The following NCKAP5L variants were observed in gnomAD, a reference collection of about 807,000 sequenced individuals.
NCKAP5L encodes nck-associated protein 5-like.
Under a neutral mutation model 103.2 loss-of-function variants are expected in NCKAP5L, and 54 were observed. That is an observed-to-expected ratio of 0.52 (90% CI 0.42 to 0.66). NCKAP5L has a LOEUF of 0.66. Among genes scored for constraint, NCKAP5L ranks in the 30% least tolerant of loss-of-function variants. The pLI is 0.00. For missense variants in NCKAP5L, 1,733 were observed against 1,750.6 expected (o/e 0.99, Z 0.18); for synonymous variants, 762 against 748.6 (o/e 1.02, Z -0.29).
Position 49,795,971 on chromosome 12 carries a change from G to C in NCKAP5L, c.1889C>G (p.Ser630Cys), listed in dbSNP as rs1946033117. The C allele has an allele frequency of 1.3e-6, 2 of 1,535,608 alleles. No individual in the cohort carries two copies. The highest frequency in any genetic ancestry group is 1.7e-6 in the Non-Finnish European group (2 of 1,147,906). ...TGGGGTCCTGCGGCCGGGATGGGGA[G>C]ACTCCGAGCCTGCCTTGTCCAAACT... ...EKSLDKAGSESPHPGRRTPGN... is the reference protein window; with the variant it reads ...EKSLDKAGSECPHPGRRTPGN... Residue 630 changes from serine to cysteine, a missense_variant, in exon 8 of 13, where the codon TCT becomes TGT. By Grantham distance (112) the Ser-to-Cys change is moderately radical. Coordinates refer to ENST00000335999, the MANE Select transcript of NCKAP5L (RefSeq NM_001037806.4).
rs750475923 is a variant in NCKAP5L at position 49,795,289 on chromosome 12, C to A, written c.2571G>T (p.Thr857=). The change falls in exon 8 of 13, where the codon ACG becomes ACT. Residue 857 remains threonine, a synonymous_variant. Transcript: ENST00000335999. Reference sequence around the variant, plus strand: ...CAGGTACTAGGGGTGTGGACTGGGCCGTGGTACTACCACAGTCTGCCCAGG... The same window carrying A: ...CAGGTACTAGGGGTGTGGACTGGGCAGTGGTACTACCACAGTCTGCCCAGG... The part of the protein sequence containing the change: ...GPPWADCGST[T]AQSTPLVPGP... The A allele has an allele frequency of 1.3e-6, 2 of 1,530,068 alleles. No individual in the cohort carries two copies. Among genetic ancestry groups the A allele is most frequent in the South Asian group, 1.3e-5 (1 of 76,768 alleles). 94.8% of individuals were successfully genotyped at this position (1,530,068 alleles called of 1,614,324 possible).
At chr12:49,808,657 C>G (rs930380731) in intron 1 of NCKAP5L, among the ~76,000 whole-genome samples, 2 of 152,208 alleles carry the variant, frequency 1.3e-5, no homozygotes, top group Non-Finnish European at 2.9e-5. Flanking sequence ...ATGGGGGATG[C>G]CTGCCCAGGC....
chr12:49,801,882 T>C lies in NCKAP5L; in HGVS notation c.317A>G (p.Gln106Arg). ...QNQMLSALFQ[Q>R]KLQLTTGSLP... ...CGAGCCTGTCGTGAGCTGGAGTTTC[T>C]GCTGAAACAGGGCACTCAGCATCTG... The change falls in exon 6 of 13, where the codon CAG (glutamine) becomes CGG (arginine). Residue 106 changes from glutamine to arginine, a missense_variant. By Grantham distance (43) the Gln-to-Arg change is conservative. Transcript: ENST00000335999. 1 of 1,614,032 alleles carries C rather than the reference T, an allele frequency of 6.2e-7. No individual in the cohort carries two copies. The highest frequency in any genetic ancestry group is 8.5e-7 in the Non-Finnish European group (1 of 1,179,894).
chr12:49,814,053 C>T (rs1946270275), intron 1 of NCKAP5L, among the ~76,000 whole-genome samples: 1 of 151,998 alleles, frequency 6.6e-6, no homozygotes, highest in Non-Finnish European at 1.5e-5. Flanking sequence ...TAGTAATCCT[C>T]CTGCCTTGGC....
Position 49,803,908 on chromosome 12 carries a change from G to A in NCKAP5L, c.123+14C>T, listed in dbSNP as rs756682839. The A allele has an allele frequency of 3.5e-5, 56 of 1,602,980 alleles. 1 individual carries two copies. In the South Asian group the frequency reaches 4.9e-4, roughly 14 times the overall value. ...TGGCTGGCACTGCTGCCCCTACCAC[G>A]CCCCATGCCGCACCTCCAGCTCCCG... On this transcript the variant is annotated intron_variant, in intron 3 of 12. Transcript: ENST00000335999.
Position 49,795,406 on chromosome 12 carries a change from G to C in NCKAP5L, c.2454C>G (p.Leu818=). ...NKSPHSSPTK[L]PSKSPTKVVP... The stretch of plus-strand genomic sequence containing the variant: ...CCACCTTGGTTGGTGACTTGGAAGG[G>C]AGCTTGGTGGGGCTGCTGTGAGGGC... Residue 818 remains leucine (L), a synonymous_variant, in exon 8 of 13, where the codon CTC becomes CTG. Transcript: ENST00000335999. The C allele has an allele frequency of 1.3e-6, 2 of 1,581,886 alleles. No individual in the cohort carries two copies. The highest frequency in any genetic ancestry group is 1.7e-6 in the Non-Finnish European group (2 of 1,167,368).
intron 1 of NCKAP5L, among the ~76,000 whole-genome samples, chr12:49,807,175 C>T (rs1290567061): frequency 1.3e-5 from 2 of 152,312 alleles, no homozygotes; most frequent in Admixed American, 1.3e-4. Context: ...CTCTTCTCTT[C>T]TATACCCCAG....
chr12:49,802,842 G>A, intron 5 of NCKAP5L, 116 bp downstream of exon 5: 4 of 1,274,704 alleles, frequency 3.1e-6, no homozygotes, highest in East Asian at 2.5e-5. Context: ...CGCCCAAGGC[G>A]GAAAGACGGG....
rs148925484 is a variant in NCKAP5L, at chr12:49,797,137, C to T, written c.723G>A (p.Ala241=). The T allele has an allele frequency of 1.5e-3, 2,468 of 1,604,890 alleles. 29 individuals carry two copies. The East Asian group carries it at 0.024, about 16-fold the overall frequency. The change falls in exon 8 of 13, where the codon GCG becomes GCA. Residue 241 remains alanine (A), a synonymous_variant. Transcript: ENST00000335999. This position sits in a 1 kb window ranked among gnomAD's most constrained non-coding sequence, Gnocchi z 4.5. ...TGCCAGGGCCTAGCAGCAGGCAGGG[C>T]GCCCAGGGTGAGGGTTCAGGCTGAG... ...GPPQPEPSPW[A]PCLLLGPGNL...
Position 49,791,724 on chromosome 12 carries a change from C to A in NCKAP5L, c.*115G>T, listed in dbSNP as rs1945936805. ...GACCCCCTTTTCACCTTCTTATCCA[C>A]CTGCCTCCTTGGTCCCTTCAGGGAG... On this transcript the variant is annotated 3_prime_UTR_variant, in exon 13 of 13. Coordinates refer to ENST00000335999, the MANE Select transcript of NCKAP5L (RefSeq NM_001037806.4). 1.1e-6 allele frequency: 1 copy of A among 878,254 alleles called. No homozygotes were observed. The highest frequency in any genetic ancestry group is 1.7e-5 in the African/African-American group (1 of 58,742). 54.4% of individuals were successfully genotyped at this position (878,254 alleles called of 1,614,324 possible).
At chr12:49,801,101 C>T (rs750565407) in intron 6 of NCKAP5L, among the ~76,000 whole-genome samples, 2 of 152,222 alleles carry the variant, frequency 1.3e-5, no homozygotes, top group Non-Finnish European at 2.9e-5. Flanking sequence ...GCTGCCTGCT[C>T]AGGGGCTGGG....
chr12:49,805,604 G>A (rs1946170838), intron 2 of NCKAP5L: 1 of 152,208 alleles, frequency 6.6e-6, no homozygotes, highest in African/African-American at 2.4e-5. Flanking sequence ...TGGGCGTGGT[G>A]GCTTATGCCT....
At chr12:49,819,712 C>T (rs1436337498) in intron 1 of NCKAP5L, among the ~76,000 whole-genome samples, 2 of 152,196 alleles carry the variant, frequency 1.3e-5, no homozygotes, top group Non-Finnish European at 2.9e-5. Flanking sequence ...GAAAAGAAAA[C>T]AGACATGTGG....
rs550605479 is a variant in NCKAP5L, at chr12:49,799,628, T to C, written c.352-1165A>G. Among the ~76,000 whole-genome samples, 3 of 152,286 alleles carry C rather than the reference T, an allele frequency of 2.0e-5. No individual in the cohort carries two copies. The South Asian group carries it at 6.2e-4, about 32-fold the overall frequency. The stretch of plus-strand genomic sequence containing the variant: ...TACCGCGCTCGGCCTCATTTTCTTT[T>C]CTAAAGCATTTTTGTGCTCAAAAGC... On this transcript the variant is annotated intron_variant, in intron 6 of 12. Transcript: ENST00000335999.
At chr12:49,824,903 G>A (rs566538554) in intron 1 of NCKAP5L, among the ~76,000 whole-genome samples, 1 of 152,286 alleles carries the variant, frequency 6.6e-6, no homozygotes, top group East Asian at 1.9e-4. Context: ...GCCCCTGGAG[G>A]GTCCTGCGAT....
intron 6 of NCKAP5L, among the ~76,000 whole-genome samples, chr12:49,800,844 C>T (rs987914650): frequency 5.3e-5 from 8 of 152,236 alleles, no homozygotes; most frequent in Admixed American, 2.0e-4. Flanking sequence ...TAAGGACACT[C>T]GACCCCTCTG....
At chr12:49,811,646 C>T (rs1374803782) in intron 1 of NCKAP5L, among the ~76,000 whole-genome samples, 6 of 152,152 alleles carry the variant, frequency 3.9e-5, no homozygotes, top group African/African-American at 2.4e-5. Flanking sequence ...CAGTGGCTCA[C>T]ACCTGTAGTC....
At chr12:49,798,812 C>A (rs1367849524) in intron 6 of NCKAP5L, among the ~76,000 whole-genome samples, 1 of 152,204 alleles carries the variant, frequency 6.6e-6, no homozygotes, top group Non-Finnish European at 1.5e-5. Context: ...AAGAGGGTTA[C>A]CGCAAAGGTC....
intron 1 of NCKAP5L, among the ~76,000 whole-genome samples, chr12:49,813,889 A>G (rs1487116275): frequency 6.6e-6 from 1 of 152,056 alleles, no homozygotes. Context: ...GCACTGCCAC[A>G]GTCATAGTTT....
Sources: allele counts gnomAD v4.1 joint callset (sites outside exome capture counted in the v4.1 genomes callset), GRCh38; gene constraint gnomAD v4.1.1; non-coding constraint Gnocchi (gnomAD v3.1); transcripts MANE v1.5; gene names NCBI Gene and HGNC (gene_info 2026-07-23, HGNC 2026-07-21).